Variants in SMOX observed in about 807,000 individuals in gnomAD.
SMOX encodes the protein flavin containing amine oxidase.
Under a neutral mutation model 51.0 loss-of-function variants are expected in SMOX, and 22 were observed. The ratio of observed to expected loss-of-function variants is 0.43; its 90% CI spans 0.31 to 0.62. The LOEUF (loss-of-function observed/expected upper bound fraction) is 0.62, where lower values mean the gene tolerates loss of function less well. Among genes scored for constraint, SMOX ranks in the 20% least tolerant of loss-of-function variants. SMOX has a pLI of 0.10. For missense variants in SMOX, 566 were observed against 777.7 expected, an observed-to-expected ratio of 0.73 and a Z score of 3.24; for synonymous variants, 282 against 307.8, an observed-to-expected ratio of 0.92 and a Z score of 0.88.
At chr20:4,158,522 G>A (rs1337284810) in intron 1 of SMOX, among the ~76,000 whole-genome samples, 3 of 152,148 alleles carry the variant, frequency 2.0e-5, no homozygotes, top group Non-Finnish European at 2.9e-5. Context: ...TTGAGGGACG[G>A]CATTAAGGAA....
chr20:4,178,627 A>G (rs1326451448), intron 3 of SMOX, among the ~76,000 whole-genome samples: 3 of 151,852 alleles, frequency 2.0e-5, no homozygotes, highest in Admixed American at 2.0e-4. Flanking sequence ...CCTTCACTCC[A>G]GGTCAGTAAT....
rs1979793972 is a variant in SMOX at position 4,187,121 on chromosome 20, C to T, written c.1531-149C>T. The T allele has an allele frequency of 2.8e-6, 3 of 1,052,970 alleles. No individual in the cohort carries two copies. The highest frequency in any genetic ancestry group is 4.0e-6 in the Non-Finnish European group (3 of 746,916). 65.2% of individuals were successfully genotyped at this position (1,052,970 alleles called of 1,614,324 possible). A position where few individuals can be genotyped will look rare whatever the true frequency, so the allele number is the denominator to read the frequency against. ...GAAAGTGGCCAGATAGGATGGGCAG[C>T]TCTTCATCCTGTGGAAGCAGCAGCA... On this transcript the variant is annotated intron_variant, in intron 6 of 6. Transcript: ENST00000305958. This position sits in a 1 kb window ranked among gnomAD's most constrained non-coding sequence, Gnocchi z 4.8.
chr20:4,182,695 C>G lies in SMOX; in HGVS notation c.1216C>G (p.Arg406Gly). 6.2e-7 allele frequency: 1 copy of G among 1,614,182 alleles called. No homozygotes were observed. The highest frequency in any genetic ancestry group is 8.5e-7 in the Non-Finnish European group (1 of 1,180,030). ...TLTYPPELWYRKICGFDVLYP... is the reference protein window; with the variant it reads ...TLTYPPELWYGKICGFDVLYP... ...CACCTACCCACCTGAGCTCTGGTAC[C>G]GCAAGATCTGCGGCTTTGATGTCCT... The change falls in exon 5 of 7, where the codon CGC becomes GGC. Residue 406 changes from arginine (R) to glycine (G), a missense_variant. Coordinates refer to ENST00000305958, the MANE Select transcript of SMOX (RefSeq NM_175839.3). This position sits in a 1 kb window ranked among gnomAD's most constrained non-coding sequence, Gnocchi z 8.4.
At position 4,175,131 on chromosome 20, in the gene SMOX, C is replaced by T. The variant is rs747481916; in HGVS notation, c.76C>T (p.Arg26Cys). ...CGGCCTACGGAGAAGGGGACAGCCT[C>T]GTGTGGTGGTGATCGGCGCCGGCTT... ...SRGLRRRGQPRVVVIGAGLAG... is the reference protein window; with the variant it reads ...SRGLRRRGQPCVVVIGAGLAG... The change falls in exon 2 of 7, where the codon CGT becomes TGT. Residue 26 changes from arginine to cysteine, a missense_variant. By Grantham distance (180) the Arg-to-Cys change is radical. Around this residue, in one of 3 missense-constraint regions of SMOX, gnomAD observed 217 missense variants for 278.4 expected, o/e 0.78. Coordinates refer to ENST00000305958, the MANE Select transcript of SMOX (RefSeq NM_175839.3). 18 of 1,614,098 alleles carry T rather than the reference C, an allele frequency of 1.1e-5. No homozygotes were observed. Among genetic ancestry groups the T allele is most frequent in the Admixed American group, 1.7e-5 (1 of 60,002 alleles).
intron 1 of SMOX, among the ~76,000 whole-genome samples, chr20:4,168,883 CTATTTTATTTTATTTTATTTTA>C (rs1986696310): frequency 7.8e-6 from 1 of 128,570 alleles, no homozygotes; most frequent in African/African-American, 2.9e-5. Flanking sequence ...AATTAATGCT[CTATTTTATTTTATTTTATTTTA>C]TTTTATTTTA....
Position 4,187,506 on chromosome 20 carries a change from T to C in SMOX, c.*99T>C, listed in dbSNP as rs1484072349. On this transcript the variant is annotated 3_prime_UTR_variant, in exon 7 of 7. Coordinates refer to ENST00000305958, the MANE Select transcript of SMOX (RefSeq NM_175839.3). This position sits in a 1 kb window ranked among gnomAD's most constrained non-coding sequence, Gnocchi z 4.8. The stretch of plus-strand genomic sequence containing the variant: ...CCTTCCTGATCCTCTGTAGAAAGGA[T>C]TTTTATCTTCTGTAGAGCTAGCCGC... 11 of 1,520,256 alleles carry C rather than the reference T, an allele frequency of 7.2e-6. No homozygotes were observed. Among genetic ancestry groups the C allele is most frequent in the Non-Finnish European group, 9.8e-6 (11 of 1,127,826 alleles). The allele number at this position is 1,520,256 out of a possible 1,614,324, so 94.2% of individuals were successfully genotyped here.
At chr20:4,176,379 G>C (rs1765016) in intron 2 of SMOX, among the ~76,000 whole-genome samples, 8 of 151,812 alleles carry the variant, frequency 5.3e-5, no homozygotes, top group African/African-American at 1.9e-4. Context: ...AAGAGTGTCT[G>C]CAGGGAAACA....
intron 1 of SMOX, among the ~76,000 whole-genome samples, chr20:4,163,086 G>C (rs1290290140): frequency 6.6e-6 from 1 of 152,128 alleles, no homozygotes; most frequent in Non-Finnish European, 1.5e-5. Flanking sequence ...CTGGCCTTGT[G>C]GCTGTCTCTG....
At chr20:4,171,003 G>C (rs1416589558) in intron 1 of SMOX, among the ~76,000 whole-genome samples, 1 of 152,186 alleles carries the variant, frequency 6.6e-6, no homozygotes, top group African/African-American at 2.4e-5. Context: ...TGGGCAAGAG[G>C]CTCACACCCC....
intron 1 of SMOX, among the ~76,000 whole-genome samples, chr20:4,151,254 C>T (rs1009470288): frequency 9.2e-5 from 14 of 151,540 alleles, no homozygotes; most frequent in African/African-American, 3.4e-4. Flanking sequence ...ACTGTTAAGG[C>T]CCCAGGCTAC....
At chr20:4,157,965 A>G (rs1222040659) in intron 1 of SMOX, among the ~76,000 whole-genome samples, 1 of 151,842 alleles carries the variant, frequency 6.6e-6, no homozygotes, top group African/African-American at 2.4e-5. Flanking sequence ...CAGCGGCGCG[A>G]TCTCGGCTCA....
Position 4,175,218 on chromosome 20 carries a change from G to C in SMOX, c.163G>C (p.Glu55Gln). The C allele has an allele frequency of 1.2e-6, 2 of 1,614,192 alleles. No homozygotes were observed. The highest frequency in any genetic ancestry group is 1.7e-6 in the Non-Finnish European group (2 of 1,180,048). The change falls in exon 2 of 7, where the codon GAG (glutamate) becomes CAG (glutamine). Residue 55 changes from glutamate (E) to glutamine (Q), a missense_variant. Physicochemically the swap from Glu to Gln is conservative, Grantham distance 29. Coordinates refer to ENST00000305958, the MANE Select transcript of SMOX (RefSeq NM_175839.3). ...EQGFTDVTVL[E>Q]ASSHIGGRVQ... The stretch of plus-strand genomic sequence containing the variant: ...GGGTTTCACGGATGTCACTGTGCTT[G>C]AGGCTTCCAGCCACATCGGAGGCCG...
intron 1 of SMOX, among the ~76,000 whole-genome samples, chr20:4,151,571 C>G (rs769207571): frequency 1.3e-5 from 2 of 152,112 alleles, no homozygotes; most frequent in Non-Finnish European, 2.9e-5. Flanking sequence ...CCTAAGCTTT[C>G]TCCTGCCCCA....
At chr20:4,174,368 C>T (rs1978658248) in intron 1 of SMOX, among the ~76,000 whole-genome samples, 1 of 151,888 alleles carries the variant, frequency 6.6e-6, no homozygotes, top group Admixed American at 6.6e-5. Flanking sequence ...GGGGTCCATG[C>T]AAGTATCTTC....
At chr20:4,169,240 T>C (rs1410539244) in intron 1 of SMOX, among the ~76,000 whole-genome samples, 2 of 152,170 alleles carry the variant, frequency 1.3e-5, no homozygotes, top group Non-Finnish European at 2.9e-5. Flanking sequence ...TGAGCTCAAG[T>C]GATCCTCCCA....
At chr20:4,179,161 A>G (rs933056924) in intron 3 of SMOX, among the ~76,000 whole-genome samples, 1 of 152,224 alleles carries the variant, frequency 6.6e-6, no homozygotes, top group South Asian at 2.1e-4. Flanking sequence ...GGGTCAAATA[A>G]GAACTAGTAT....
intron 1 of SMOX, among the ~76,000 whole-genome samples, chr20:4,162,455 C>T (rs570638368): frequency 5.9e-5 from 9 of 152,222 alleles, no homozygotes; most frequent in Admixed American, 1.3e-4. Context: ...AGTTTCCCTG[C>T]GTGGAGCTCA....
chr20:4,174,497 C>T (rs1037651031), intron 1 of SMOX, among the ~76,000 whole-genome samples: 3 of 151,900 alleles, frequency 2.0e-5, no homozygotes, highest in African/African-American at 4.8e-5. Context: ...GGCAAGTATC[C>T]GGGGTCTGTG....
chr20:4,151,161 A>G (rs1443529759), intron 1 of SMOX, among the ~76,000 whole-genome samples: 1 of 152,090 alleles, frequency 6.6e-6, no homozygotes, highest in East Asian at 1.9e-4. Flanking sequence ...ATGGGAAACC[A>G]GGAGCACAAC....
Sources: gnomAD v4.1 joint callset for allele counts (sites outside exome capture counted in the v4.1 genomes callset) on GRCh38, gnomAD v4.1.1 for gene constraint, gnomAD v4.1.1 regional missense constraint, Gnocchi (gnomAD v3.1) non-coding constraint, MANE v1.5 for transcripts, NCBI Gene and HGNC (gene_info 2026-07-23, HGNC 2026-07-21) for gene names.